Variants in PHYHIP observed in about 807,000 individuals in gnomAD.
PHYHIP encodes the protein phytanoyl-CoA 2-hydroxylase interacting protein.
A neutral mutation model predicts 26.1 loss-of-function variants in PHYHIP; 7 were observed. That is an observed-to-expected ratio of 0.27 (90% CI 0.15 to 0.50). The LOEUF (loss-of-function observed/expected upper bound fraction) is 0.50, where lower values mean the gene tolerates loss of function less well. PHYHIP is among the 20% of genes least tolerant of loss of function. The probability of loss-of-function intolerance (pLI) is 0.98; values close to 1 mark genes in which losing one functional copy is unlikely to be tolerated. For missense variants in PHYHIP, 232 were observed against 454.7 expected, an observed-to-expected ratio of 0.51 and a Z score of 4.45; for synonymous variants, 206 against 183.4, an observed-to-expected ratio of 1.12 and a Z score of -1.00.
chr8:22,229,914 G>A (rs553118677), intron 1 of PHYHIP, among the ~76,000 whole-genome samples: 130 of 152,320 alleles, frequency 8.5e-4, no homozygotes, highest in African/African-American at 3.1e-3. Context: ...GAAGGCTAAA[G>A]GTGATGGCCC....
At chr8:22,224,194 C>A in intron 4 of PHYHIP, 32 bp downstream of exon 4, 1 of 1,290,518 alleles carries the variant, frequency 7.7e-7, no homozygotes. Context: ...AGGAGAGGCC[C>A]GGCGGGTCCA....
intron 2 of PHYHIP, chr8:22,227,514 G>GATC: frequency 7.0e-6 from 3 of 426,006 alleles, no homozygotes; most frequent in South Asian, 1.7e-5. Context: ...GAGCGGGTGA[G>GATC]TAACCCACGC....
intron 4 of PHYHIP, among the ~76,000 whole-genome samples, chr8:22,222,236 A>C: frequency 6.8e-6 from 1 of 147,560 alleles, no homozygotes; most frequent in South Asian, 2.2e-4. Flanking sequence ...CCACTTACCC[A>C]CCCCCTGCAC....
In PHYHIP at chr8:22,221,362, C is replaced by T; in HGVS notation, c.984G>A (p.Val328=). 1 of 1,585,370 alleles carries T rather than the reference C, an allele frequency of 6.3e-7. No homozygotes were observed. Among genetic ancestry groups the T allele is most frequent in the Non-Finnish European group, 8.6e-7 (1 of 1,161,326 alleles). The change falls in exon 5 of 5, where the codon GTG becomes GTA. Residue 328 remains valine, a synonymous_variant. Transcript: ENST00000454243. This position sits in a 1 kb window ranked among gnomAD's most constrained non-coding sequence, Gnocchi z 7.9. ...DPSCKTCNIS[V]GR is the part of the protein sequence containing the mutation. The stretch of plus-strand genomic sequence containing the variant: ...AGCTCCCCAGGAGTCCCTAGCGGCC[C>T]ACGCTGATGTTGCAGGTCTTGCAGC...
intron 1 of PHYHIP, among the ~76,000 whole-genome samples, chr8:22,229,703 C>T (rs1001846102): frequency 3.3e-5 from 5 of 152,176 alleles, no homozygotes; most frequent in Non-Finnish European, 5.9e-5. Flanking sequence ...TAAATGTCAC[C>T]TCCTTCTCTT....
Position 22,221,347 on chromosome 8 carries a change from G to A in PHYHIP, c.*6C>T, listed in dbSNP as rs1354117841. The A allele has an allele frequency of 1.3e-6, 2 of 1,559,336 alleles. No homozygotes were observed. Among genetic ancestry groups the A allele is most frequent in the African/African-American group, 1.4e-5 (1 of 73,664 alleles). ...TCTCCCTCGCCCCCCAGCTCCCCAGGAGTCCCTAGCGGCCCACGCTGATGT... is the reference window on the plus strand; with the variant it reads ...TCTCCCTCGCCCCCCAGCTCCCCAGAAGTCCCTAGCGGCCCACGCTGATGT... On this transcript the variant is annotated 3_prime_UTR_variant, in exon 5 of 5. Transcript: ENST00000454243. This position sits in a 1 kb window ranked among gnomAD's most constrained non-coding sequence, Gnocchi z 7.9.
intron 1 of PHYHIP, 191 bp from the exon 2 acceptor site, chr8:22,228,577 C>G (rs1041166217): frequency 2.0e-6 from 1 of 495,934 alleles, no homozygotes; most frequent in Non-Finnish European, 3.6e-6. Flanking sequence ...GGTGCCTGCC[C>G]GGGGGGCTCT....
chr8:22,226,795 A>G (rs1190648375), intron 3 of PHYHIP, 56 bp downstream of exon 3: 5 of 1,517,836 alleles, frequency 3.3e-6, no homozygotes, highest in Non-Finnish European at 4.5e-6. Context: ...CGCCTTGACC[A>G]CAGCAAAGCC....
Position 22,224,351 on chromosome 8 carries a change from A to G in PHYHIP, c.341-8T>C. On this transcript the variant is annotated splice_polypyrimidine_tract_variant and splice_region_variant and intron_variant, in intron 3 of 4. Coordinates refer to ENST00000454243, the MANE Select transcript of PHYHIP (RefSeq NM_014759.5). ...GGTGCTCCTTGGCATAATCTGCAAG[A>G]TCCCAGATGCGGTAGGTGAGCCGAG... 1 of 1,539,202 alleles carries G rather than the reference A, an allele frequency of 6.5e-7. No homozygotes were observed. The highest frequency in any genetic ancestry group is 9.0e-7 in the Non-Finnish European group (1 of 1,114,428).
intron 4 of PHYHIP, 122 bp from the exon 5 acceptor site, chr8:22,222,009 C>G: frequency 2.6e-6 from 2 of 767,174 alleles, no homozygotes; most frequent in Non-Finnish European, 4.1e-6. Flanking sequence ...AGCCCTCCCC[C>G]AGCCGCCTCC....
At position 22,221,434 on chromosome 8, in the gene PHYHIP, C is replaced by T. The variant is rs759070202; in HGVS notation, c.912G>A (p.Gly304=). Residue 304 remains glycine, a synonymous_variant, in exon 5 of 5, where the codon GGG becomes GGA. Coordinates refer to ENST00000454243, the MANE Select transcript of PHYHIP (RefSeq NM_014759.5). The surrounding 1 kb of genome is among the most constrained non-coding windows in gnomAD (Gnocchi z 7.9). ...CAGTAGACAGACTCATGAGCTGGTG[C>T]CCACTGATCTCCCCCAGGGTGCCCA... is the stretch of plus-strand genomic sequence containing the variant. ...LSLGTLGEIS[G]HQLMSLSTAD... 5.0e-6 allele frequency: 8 copies of T among 1,613,992 alleles called. No individual in the cohort carries two copies. The highest frequency in any genetic ancestry group is 6.8e-6 in the Non-Finnish European group (8 of 1,179,948).
chr8:22,231,877 G>A lies in PHYHIP; in HGVS notation c.-111C>T, dbSNP rs1331464936. The A allele has an allele frequency of 6.6e-6, 1 of 152,320 alleles. No individual in the cohort carries two copies. Among genetic ancestry groups the A allele is most frequent in the East Asian group, 1.9e-4 (1 of 5,186 alleles). 9.4% of individuals were successfully genotyped at this position (152,320 alleles called of 1,614,324 possible). A position where few individuals can be genotyped will look rare whatever the true frequency, so the allele number is the denominator to read the frequency against. On this transcript the variant is annotated 5_prime_UTR_variant, in exon 1 of 5. Transcript: ENST00000454243. Reference sequence around the variant, plus strand: ...CTGCGTGGATGAGCTCCCCGGCAGGGGACAGCAGCCGGACGCCTGGGTCAC... The same window carrying A: ...CTGCGTGGATGAGCTCCCCGGCAGGAGACAGCAGCCGGACGCCTGGGTCAC...
chr8:22,229,542 C>G (rs970342229), intron 1 of PHYHIP, among the ~76,000 whole-genome samples: 2 of 152,130 alleles, frequency 1.3e-5, no homozygotes, highest in Admixed American at 6.5e-5. Flanking sequence ...GCCTGGCTGG[C>G]CTAGCTCCGG....
chr8:22,220,703 G>A lies in PHYHIP; in HGVS notation c.*650C>T, dbSNP rs1829600161. 1 of 152,374 alleles carries A rather than the reference G, an allele frequency of 6.6e-6. No homozygotes were observed. Among genetic ancestry groups the A allele is most frequent in the African/African-American group, 2.4e-5 (1 of 41,452 alleles). 9.4% of individuals were successfully genotyped at this position (152,374 alleles called of 1,614,324 possible). On this transcript the variant is annotated 3_prime_UTR_variant, in exon 5 of 5. Transcript: ENST00000454243. ...AGAGAAGAAAGAGAGTTCCTTTCTA[G>A]AGAGCAGGGGGAGTGTCCCGGTGGG...
At chr8:22,228,091 A>T in intron 2 of PHYHIP, 102 bp downstream of exon 2, 1 of 963,632 alleles carries the variant, frequency 1.0e-6, no homozygotes, top group Non-Finnish European at 1.6e-6. Context: ...TGTGGATTTT[A>T]ACCAGCCTCT....
Position 22,228,334 on chromosome 8 carries a change from G to C in PHYHIP, c.24C>G (p.His8Gln). Residue 8 changes from histidine (H) to glutamine (Q), a missense_variant, in exon 2 of 5, where the codon CAC (histidine) becomes CAG (glutamine). By Grantham distance (24) the His-to-Gln change is conservative. Transcript: ENST00000454243. MELLSTPHSIEINNITCD... is the reference protein window; with the variant it reads MELLSTPQSIEINNITCD... The stretch of plus-strand genomic sequence containing the variant: ...AGGTGATGTTGTTGATCTCAATGCT[G>C]TGGGGCGTGGACAGCAGCTCCATGC... 1 of 1,603,288 alleles carries C rather than the reference G, an allele frequency of 6.2e-7. No individual in the cohort carries two copies. The highest frequency in any genetic ancestry group is 8.5e-7 in the Non-Finnish European group (1 of 1,175,278).
rs537592902 is a variant in PHYHIP, at chr8:22,228,504, C to T, written c.-29-118G>A. Reference sequence around the variant, plus strand: ...AAGGACCCCTGGAATCCACATGCCTCATGAACCAGATGGGAAAGACTGTAC... The same window carrying T: ...AAGGACCCCTGGAATCCACATGCCTTATGAACCAGATGGGAAAGACTGTAC... On this transcript the variant is annotated intron_variant, in intron 1 of 4. Transcript: ENST00000454243. 122 of 620,864 alleles carry T rather than the reference C, an allele frequency of 2.0e-4. No homozygotes were observed. In the East Asian group the frequency reaches 3.2e-3, roughly 16 times the overall value. The allele number at this position is 620,864 out of a possible 1,614,324, so 38.5% of individuals were successfully genotyped here. A position where few individuals can be genotyped will look rare whatever the true frequency, so the allele number is the denominator to read the frequency against.
Position 22,221,982 on chromosome 8 carries a change from A to G in PHYHIP, c.459-95T>C, listed in dbSNP as rs535163704. On this transcript the variant is annotated intron_variant, in intron 4 of 4. Transcript: ENST00000454243. The surrounding 1 kb of genome is among the most constrained non-coding windows in gnomAD (Gnocchi z 7.9). ...TGCTGCGTGTGGTCGAGGAGGGAGG[A>G]AGCCAGCCCAGCTCCCAGCCCTCCC... The G allele has an allele frequency of 2.7e-4, 294 of 1,093,952 alleles. 1 individual carries two copies. The East Asian group carries it at 7.6e-3, about 28-fold the overall frequency. 67.8% of individuals were successfully genotyped at this position (1,093,952 alleles called of 1,614,324 possible). A position where few individuals can be genotyped will look rare whatever the true frequency, so the allele number is the denominator to read the frequency against.
rs369567753 is a variant in PHYHIP, at chr8:22,220,954, T to A, written c.*399A>T. ...AGATCGCCCCACAGCTCTCTGCATC[T>A]CTTCTGGAGGCAGCCAAGCTACCCA... On this transcript the variant is annotated 3_prime_UTR_variant, in exon 5 of 5. Transcript: ENST00000454243. 4.3e-5 allele frequency: 8 copies of A among 186,192 alleles called. No homozygotes were observed. In the East Asian group the frequency reaches 9.5e-4, roughly 22 times the overall value. 11.5% of individuals were successfully genotyped at this position (186,192 alleles called of 1,614,324 possible).
Sources: gnomAD v4.1 joint callset for allele counts (sites outside exome capture counted in the v4.1 genomes callset) on GRCh38, gnomAD v4.1.1 for gene constraint, Gnocchi (gnomAD v3.1) non-coding constraint, MANE v1.5 for transcripts, NCBI Gene and HGNC (gene_info 2026-07-23, HGNC 2026-07-21) for gene names.